MGAM2: variants seen among roughly 807,000 people sequenced by gnomAD.
MGAM2 encodes probable maltase-glucoamylase 2.
A neutral mutation model predicts 96.1 loss-of-function variants in MGAM2; 98 were observed. The observed-to-expected ratio is 1.02, with a 90% confidence interval of 0.87 to 1.21. The LOEUF (loss-of-function observed/expected upper bound fraction) is 1.21, where lower values mean the gene tolerates loss of function less well. Among genes scored for constraint, MGAM2 ranks in the 50% most tolerant of loss-of-function variants. The pLI, the probability that MGAM2 is intolerant of heterozygous loss-of-function variation, is 0.00. For synonymous variants in MGAM2, 749 were observed against 414.8 expected, an observed-to-expected ratio of 1.81 and a Z score of -9.79; for missense variants, 2,055 against 1,182.4, an observed-to-expected ratio of 1.74 and a Z score of -10.82.
chr7:142,176,295 T>C (rs1312807622), intron 32 of MGAM2, among the ~76,000 whole-genome samples: 1 of 152,194 alleles, frequency 6.6e-6, no homozygotes, highest in Non-Finnish European at 1.5e-5. Context: ...CAATTTATTA[T>C]ATTACTAGGA....
intron 13 of MGAM2, 67 bp downstream of exon 13, chr7:142,143,949 T>C (rs1795312332): frequency 1.4e-6 from 1 of 691,360 alleles, no homozygotes; most frequent in African/African-American, 1.8e-5. Flanking sequence ...AGATGAGTTT[T>C]GACCTTGATG....
intron 24 of MGAM2, among the ~76,000 whole-genome samples, 160 bp from the exon 25 acceptor site, chr7:142,165,938 G>T (rs1796015353): frequency 6.6e-6 from 1 of 152,140 alleles, no homozygotes; most frequent in African/African-American, 2.4e-5. Flanking sequence ...CATGAAGTGA[G>T]AAAACCCAGG....
intron 37 of MGAM2, among the ~76,000 whole-genome samples, chr7:142,189,802 T>A (rs1261043374): frequency 6.6e-6 from 1 of 152,212 alleles, no homozygotes; most frequent in Non-Finnish European, 1.5e-5. Flanking sequence ...CTTTGCCCAT[T>A]AGCAATCATT....
chr7:142,162,055 CTCTT>C, intron 23 of MGAM2, 51 bp downstream of exon 23: 1 of 648,928 alleles, frequency 1.5e-6, no homozygotes, highest in Non-Finnish European at 2.7e-6. Flanking sequence ...GCTGGGAAGG[CTCTT>C]TGAGTTTTTA....
chr7:142,127,000 G>T (rs188870158), intron 3 of MGAM2, among the ~76,000 whole-genome samples: 1 of 152,280 alleles, frequency 6.6e-6, no homozygotes, highest in Non-Finnish European at 1.5e-5. Context: ...AAACAAGCTG[G>T]ATATGATTAA....
intron 33 of MGAM2, among the ~76,000 whole-genome samples, chr7:142,184,578 T>G (rs1030652568): frequency 6.6e-6 from 1 of 152,228 alleles, no homozygotes; most frequent in East Asian, 1.9e-4. Context: ...AGTGTGTATA[T>G]ACTTAATGTC....
chr7:142,221,135 T>C lies in MGAM2; in HGVS notation c.6624T>C (p.Ser2208=). ...FSIMTTSFSE[S]TNAMNTTVIM... Reference sequence around the variant, plus strand: ...TTATGACCACTTCTTTCTCTGAAAGTACTAATGCTATGAACACTACTGTTA... The same window carrying C: ...TTATGACCACTTCTTTCTCTGAAAGCACTAATGCTATGAACACTACTGTTA... The change falls in exon 48 of 48, where the codon AGT becomes AGC. Residue 2208 remains serine, a synonymous_variant. Transcript: ENST00000477922. 3 of 702,574 alleles carry C rather than the reference T, an allele frequency of 4.3e-6. No homozygotes were observed. The highest frequency in any genetic ancestry group is 7.8e-6 in the Non-Finnish European group (3 of 384,768). The allele number at this position is 702,574 out of a possible 1,614,324, so 43.5% of individuals were successfully genotyped here.
chr7:142,216,392 C>T (rs981049625), intron 46 of MGAM2, among the ~76,000 whole-genome samples: 1 of 152,124 alleles, frequency 6.6e-6, no homozygotes, highest in Non-Finnish European at 1.5e-5. Context: ...CCTTTAATAA[C>T]ATCTAACTTC....
chr7:142,163,304 G>A (rs527242273), intron 23 of MGAM2, among the ~76,000 whole-genome samples: 19 of 152,304 alleles, frequency 1.2e-4, no homozygotes, highest in African/African-American at 4.3e-4. Context: ...TGCTTTGAGA[G>A]GGAGTCTCAC....
chr7:142,131,144 A>G (rs953465826), intron 4 of MGAM2, 73 bp downstream of exon 4: 4 of 673,940 alleles, frequency 5.9e-6, no homozygotes, highest in African/African-American at 1.8e-5. Context: ...AAAATAAAAT[A>G]AAAGCTAAAA....
chr7:142,220,820 T>C lies in MGAM2; in HGVS notation c.6309T>C (p.Thr2103=). The change falls in exon 48 of 48, where the codon ACT becomes ACC. Residue 2103 remains threonine, a synonymous_variant. Coordinates refer to ENST00000477922, the MANE Select transcript of MGAM2 (RefSeq NM_001293626.2). ...TTGCTACCGTTCCCATTTCAGTGAC[T>C]CCTTCTCTGACAAGTACTGCTGATG... is the stretch of plus-strand genomic sequence containing the variant. ...STIATVPISV[T]PSLTSTADAT... 1.4e-6 allele frequency: 1 copy of C among 702,116 alleles called. No individual in the cohort carries two copies. Among genetic ancestry groups the C allele is most frequent in the African/African-American group, 1.7e-5 (1 of 57,216 alleles). 43.5% of individuals were successfully genotyped at this position (702,116 alleles called of 1,614,324 possible).
chr7:142,141,430 A>G (rs1054045892), intron 12 of MGAM2, among the ~76,000 whole-genome samples: 2 of 152,126 alleles, frequency 1.3e-5, no homozygotes, highest in Admixed American at 6.6e-5. Context: ...TTCAACTACA[A>G]AAATATAGCA....
In MGAM2 at chr7:142,221,574, G is replaced by T. The variant is rs2129109415; in HGVS notation, c.7063G>T (p.Asp2355Tyr). 1.9e-6 allele frequency: 1 copy of T among 529,778 alleles called. No individual in the cohort carries two copies. Among genetic ancestry groups the T allele is most frequent in the East Asian group, 2.9e-5 (1 of 34,414 alleles). 32.8% of individuals were successfully genotyped at this position (529,778 alleles called of 1,614,324 possible). Residue 2355 changes from aspartate to tyrosine, a missense_variant, in exon 48 of 48, where the codon GAT (aspartate) becomes TAT (tyrosine). Physicochemically the swap from Asp to Tyr is radical, Grantham distance 160 (BLOSUM62 -3). Transcript: ENST00000477922. ...TGATACAAAAAGTACCATGGTAATA[G>T]ATGCTACGGTCACTACTACCAGCAC... Reference protein sequence around the residue: ...TLDTKSTMVIDATVTTTSTKD... With the variant: ...TLDTKSTMVIYATVTTTSTKD...
Position 142,172,675 on chromosome 7 carries a change from G to A in MGAM2, c.3472G>A (p.Ala1158Thr), listed in dbSNP as rs1447718613. The stretch of plus-strand genomic sequence containing the variant: ...AGATGTGACATTACAGCCCACTCCT[G>A]CTCTGACATACCGCACCACAGGAGG... ...AMDVTLQPTP[A>T]LTYRTTGGIL... Residue 1158 changes from alanine to threonine, a missense_variant, in exon 30 of 48, where the codon GCT becomes ACT. Transcript: ENST00000477922. 1 of 704,502 alleles carries A rather than the reference G, an allele frequency of 1.4e-6. No individual in the cohort carries two copies. Among genetic ancestry groups the A allele is most frequent in the Admixed American group, 2.0e-5 (1 of 50,000 alleles). The allele number at this position is 704,502 out of a possible 1,614,324, so 43.6% of individuals were successfully genotyped here. A position where few individuals can be genotyped will look rare whatever the true frequency, so the allele number is the denominator to read the frequency against.
chr7:142,206,535 G>A (rs144673865), intron 45 of MGAM2, among the ~76,000 whole-genome samples: 1 of 152,284 alleles, frequency 6.6e-6, no homozygotes, highest in East Asian at 1.9e-4. Flanking sequence ...AGGACTAGAT[G>A]AGTGATGTCA....
intron 31 of MGAM2, among the ~76,000 whole-genome samples, chr7:142,174,723 T>TTTTTTTC (rs1290910656): frequency 7.8e-6 from 1 of 128,050 alleles, no homozygotes; most frequent in Non-Finnish European, 1.6e-5. Context: ...CTCTTTTTTT[T>TTTTTTTC]TTTTTTTTTT....
chr7:142,189,619 A>G, intron 37 of MGAM2, 114 bp downstream of exon 37: 1 of 487,436 alleles, frequency 2.1e-6, no homozygotes, highest in Non-Finnish European at 3.6e-6. Context: ...GGTTAAAGTC[A>G]AAATTTCAGG....
At chr7:142,168,405 G>T (rs183505294) in intron 26 of MGAM2, among the ~76,000 whole-genome samples, 1 of 152,154 alleles carries the variant, frequency 6.6e-6, no homozygotes, top group Admixed American at 6.5e-5. Flanking sequence ...AAGTAACTGG[G>T]ATTACAGGCA....
Position 142,165,115 on chromosome 7 carries a change from A to G in MGAM2, c.2652+92A>G, listed in dbSNP as rs578082037. On this transcript the variant is annotated intron_variant, in intron 24 of 47. Transcript: ENST00000477922. The stretch of plus-strand genomic sequence containing the variant: ...TGCTCTTTTAACTGTGGGCAGTCAG[A>G]CACAACTGACTTGCTGGGAGGTCCA... The G allele has an allele frequency of 5.3e-6, 3 of 566,666 alleles. No individual in the cohort carries two copies. In the South Asian group the frequency reaches 7.4e-5, roughly 14 times the overall value. The allele number at this position is 566,666 out of a possible 1,614,324, so 35.1% of individuals were successfully genotyped here. A position where few individuals can be genotyped will look rare whatever the true frequency, so the allele number is the denominator to read the frequency against.
Sources: allele counts gnomAD v4.1 joint callset (sites outside exome capture counted in the v4.1 genomes callset), GRCh38; gene constraint gnomAD v4.1.1; transcripts MANE v1.5; gene names NCBI Gene and HGNC (gene_info 2026-07-23, HGNC 2026-07-21).